COL18A1: variants seen among roughly 807,000 people sequenced by gnomAD.
COL18A1 encodes the protein collagen type XVIII alpha 1 chain, also known as collagen alpha-1(XVIII) chain.
Under a neutral mutation model 168.0 loss-of-function variants are expected in COL18A1, and 133 were observed. That is an observed-to-expected ratio of 0.79 (90% CI 0.69 to 0.91). The LOEUF (loss-of-function observed/expected upper bound fraction) is 0.91, where lower values mean the gene tolerates loss of function less well. Ranked by LOEUF, COL18A1 falls within the 40% of genes least tolerant of loss-of-function variation. The pLI is 0.00. For synonymous variants in COL18A1, 949 were observed against 809.0 expected (o/e 1.17, Z -2.94); for missense variants, 2,126 against 1,925.4 (o/e 1.10, Z -1.95).
At chr21:45,465,206 A>G (rs1390649534) in intron 2 of COL18A1, among the ~76,000 whole-genome samples, 1 of 152,226 alleles carries the variant, frequency 6.6e-6, no homozygotes, top group Non-Finnish European at 1.5e-5. Context: ...TGGCGGGTTC[A>G]TCGCACAGCC....
At position 45,480,732 on chromosome 21, in the gene COL18A1, C is replaced by T; in HGVS notation, c.1485C>T (p.Pro495=). The change falls in exon 13 of 42, where the codon CCC becomes CCT. Residue 495 remains proline, a synonymous_variant. Transcript: ENST00000651438. ...GAGGCTTCCCTGGACCTCCCGGACCCCCCGGTGTCCCAGGCCTGCCCGGCG... is the reference window on the plus strand; with the variant it reads ...GAGGCTTCCCTGGACCTCCCGGACCTCCCGGTGTCCCAGGCCTGCCCGGCG... ...GPRGFPGPPG[P]PGVPGLPGEP... is the part of the protein sequence containing the mutation. The T allele has an allele frequency of 6.2e-7, 1 of 1,610,884 alleles. No individual in the cohort carries two copies. Among genetic ancestry groups the T allele is most frequent in the Non-Finnish European group, 8.5e-7 (1 of 1,179,922 alleles).
chr21:45,467,946 A>G (rs376984922), intron 2 of COL18A1, among the ~76,000 whole-genome samples: 56 of 152,272 alleles, frequency 3.7e-4, no homozygotes, highest in African/African-American at 1.1e-3. Flanking sequence ...TGCTCAAAGC[A>G]TGGAAGGGGG....
At chr21:45,418,644 G>T (rs1020408296) in intron 2 of COL18A1, among the ~76,000 whole-genome samples, 1 of 64,144 alleles carries the variant, frequency 1.6e-5, no homozygotes. Flanking sequence ...TCCACAGCCC[G>T]CCCTCCTTGG....
intron 26 of COL18A1, chr21:45,494,022 C>G: frequency 3.9e-6 from 1 of 255,762 alleles, no homozygotes; most frequent in Non-Finnish European, 7.6e-6. Context: ...CCCCAGCAGG[C>G]AGCCGCCCAG....
intron 2 of COL18A1, chr21:45,456,968 T>C (rs1229883810): frequency 9.2e-7 from 1 of 1,090,188 alleles, no homozygotes; most frequent in Non-Finnish European, 1.2e-6. Flanking sequence ...CTGGTACAGG[T>C]TCCCCCCACA....
At chr21:45,467,366 G>A (rs2035249132) in intron 2 of COL18A1, 1 of 985,328 alleles carries the variant, frequency 1.0e-6, no homozygotes, top group African/African-American at 1.7e-5. Context: ...ACCCGGCGCT[G>A]TGGGGCATTT....
At chr21:45,482,931 G>A in intron 15 of COL18A1, 110 bp downstream of exon 15, 1 of 1,524,566 alleles carries the variant, frequency 6.6e-7, no homozygotes. Context: ...GCTCTCTTGG[G>A]GCTGGCCTTG....
chr21:45,475,147 G>A (rs1299214751), intron 4 of COL18A1, among the ~76,000 whole-genome samples: 1 of 152,206 alleles, frequency 6.6e-6, no homozygotes, highest in Non-Finnish European at 1.5e-5. Context: ...TCTGCGGTGC[G>A]GCCTCCTCCA....
chr21:45,487,048 C>G, intron 16 of COL18A1, 56 bp downstream of exon 16: 1 of 1,437,594 alleles, frequency 7.0e-7, no homozygotes, highest in South Asian at 1.4e-5. Flanking sequence ...GTTGCCCCAG[C>G]CCTACTACCC....
rs2035517202 is a variant in COL18A1 at position 45,473,326 on chromosome 21, G to A, written c.652-569G>A. 6.6e-6 allele frequency among the ~76,000 whole-genome samples: 1 copy of A among 152,244 alleles called. No homozygotes were observed. The highest frequency in any genetic ancestry group is 1.5e-5 in the Non-Finnish European group (1 of 68,046). On this transcript the variant is annotated intron_variant, in intron 3 of 41. Coordinates refer to ENST00000651438, the MANE Select transcript of COL18A1 (RefSeq NM_001379500.1). The surrounding 1 kb of genome is among the most constrained non-coding windows in gnomAD (Gnocchi z 4.0). ...GGTGGGTAGGTGGGTGAGTGAGTGA[G>A]ATTGGGTCCGGACGGAATGGGCGCA...
At chr21:45,437,320 GCACACA>G (rs754264326) in intron 2 of COL18A1, among the ~76,000 whole-genome samples, 1 of 66,984 alleles carries the variant, frequency 1.5e-5, no homozygotes, top group African/African-American at 8.3e-5. Flanking sequence ...GCACTCTCCT[GCACACA>G]CACACACTCA....
chr21:45,509,314 G>A (rs1401116276), intron 38 of COL18A1, 42 bp from the exon 39 acceptor site: 1 of 1,536,768 alleles, frequency 6.5e-7, no homozygotes. Context: ...GGGGCACCCG[G>A]AGGGTCCCCC....
Position 45,491,271 on chromosome 21 carries a change from C to CT in COL18A1, c.2114_2115insT (p.Gly707ArgfsTer23), listed in dbSNP as rs1568922931. 1 of 1,612,222 alleles carries CT rather than the reference C, an allele frequency of 6.2e-7. No individual in the cohort carries two copies. The highest frequency in any genetic ancestry group is 8.5e-7 in the Non-Finnish European group (1 of 1,179,686). ...GTCGGGCAGCCGGGCCTCCCTGGCCCCCCCGGACCCCCGGGACCTGTGGTC... is the reference window on the plus strand; with the variant it reads ...GTCGGGCAGCCGGGCCTCCCTGGCCCTCCCCGGACCCCCGGGACCTGTGGTC... On this transcript the variant is annotated frameshift_variant, in exon 22 of 42. Transcript: ENST00000651438. LOFTEE classifies it high-confidence loss of function.
intron 29 of COL18A1, chr21:45,496,116 C>T (rs1336397763): frequency 7.7e-6 from 3 of 388,362 alleles, no homozygotes; most frequent in Non-Finnish European, 1.5e-5. Flanking sequence ...CCATGCCCTC[C>T]AAGCCCTCCA....
intron 2 of COL18A1, among the ~76,000 whole-genome samples, chr21:45,460,480 G>C (rs966442870): frequency 2.0e-5 from 3 of 152,226 alleles, no homozygotes; most frequent in African/African-American, 2.4e-5. Flanking sequence ...TCGGAGGTCA[G>C]TGGGAGGCCA....
chr21:45,491,340 C>T, intron 22 of COL18A1, 26 bp downstream of exon 22: 1 of 1,518,600 alleles, frequency 6.6e-7, no homozygotes, highest in South Asian at 1.1e-5. Flanking sequence ...GGGTGGGCAC[C>T]CAATCTGTCC....
intron 34 of COL18A1, 68 bp downstream of exon 34, chr21:45,504,624 CCAGCCCGG>C: frequency 2.8e-6 from 4 of 1,429,682 alleles, no homozygotes; most frequent in Non-Finnish European, 3.8e-6. Flanking sequence ...GAGGGCAGGT[CCAGCCCGG>C]CCTTCGACAC....
rs777003003 is a variant in COL18A1 at position 45,490,259 on chromosome 21, C to T, written c.1960-16C>T. 2 of 1,570,472 alleles carry T rather than the reference C, an allele frequency of 1.3e-6. No homozygotes were observed. Among genetic ancestry groups the T allele is most frequent in the East Asian group, 4.7e-5 (2 of 42,796 alleles). On this transcript the variant is annotated splice_polypyrimidine_tract_variant and intron_variant, in intron 19 of 41. Coordinates refer to ENST00000651438, the MANE Select transcript of COL18A1 (RefSeq NM_001379500.1). ...CGTGTGGCCAATGCCCTGCGTCCTC[C>T]ATGTGACCCTTTCAGGGAGAAGTTG...
rs191464764 is a variant in COL18A1 at position 45,461,891 on chromosome 21, T to C, written c.107-6351T>C. On this transcript the variant is annotated intron_variant, in intron 2 of 41. Coordinates refer to ENST00000651438, the MANE Select transcript of COL18A1 (RefSeq NM_001379500.1). Reference sequence around the variant, plus strand: ...CATTTCTTCATGTGACTTACTGTTATTGACTAGTGTCCTTTCATTTTACCT... The same window carrying C: ...CATTTCTTCATGTGACTTACTGTTACTGACTAGTGTCCTTTCATTTTACCT... Among the ~76,000 whole-genome samples the C allele has an allele frequency of 3.5e-3, 537 of 152,368 alleles. 5 individuals are homozygous for C. Among genetic ancestry groups the C allele is most frequent in the Non-Finnish European group, 6.2e-3 (422 of 68,038 alleles).
Sources: allele counts gnomAD v4.1 joint callset (sites outside exome capture counted in the v4.1 genomes callset), GRCh38; gene constraint gnomAD v4.1.1; non-coding constraint Gnocchi (gnomAD v3.1); transcripts MANE v1.5; gene names NCBI Gene and HGNC (gene_info 2026-07-23, HGNC 2026-07-21).